FOXP2: variants seen among roughly 807,000 people sequenced by gnomAD.
The protein encoded by FOXP2 is forkhead box P2, also known as forkhead box protein P2.
A neutral mutation model predicts 115.8 loss-of-function variants in FOXP2; 12 were observed. The ratio of observed to expected loss-of-function variants is 0.10; its 90% CI spans 0.07 to 0.17. The LOEUF is 0.17. Among genes scored for constraint, FOXP2 ranks in the 10% least tolerant of loss-of-function variants. FOXP2 has a pLI of 1.00. For synonymous variants in FOXP2, 328 were observed against 297.7 expected (o/e 1.10, Z -1.05); for missense variants, 629 against 843.5 (o/e 0.75, Z 3.15).
chr7:114,482,025 A>C (rs1319997348), intron 2 of FOXP2, among the ~76,000 whole-genome samples: 2 of 151,292 alleles, frequency 1.3e-5, no homozygotes, highest in Non-Finnish European at 3.0e-5. Context: ...CTTCTTTCTT[A>C]GTTACTATTC....
chr7:114,210,886 G>A (rs1203103453), intron 1 of FOXP2, among the ~76,000 whole-genome samples: 1 of 152,156 alleles, frequency 6.6e-6, no homozygotes, highest in African/African-American at 2.4e-5. Flanking sequence ...GGAGGAAATC[G>A]ATCGGGGTCC....
intron 2 of FOXP2, among the ~76,000 whole-genome samples, chr7:114,451,081 G>A (rs1795054120): frequency 6.6e-6 from 1 of 151,958 alleles, no homozygotes; most frequent in Non-Finnish European, 1.5e-5. Flanking sequence ...ATCAACTAAT[G>A]TTTTTTATAG....
chr7:114,329,403 C>G (rs1453872503), intron 2 of FOXP2, among the ~76,000 whole-genome samples: 1 of 150,954 alleles, frequency 6.6e-6, no homozygotes, highest in East Asian at 2.0e-4. Flanking sequence ...CCTGTAATCC[C>G]AACTACCCAG....
intron 1 of FOXP2, among the ~76,000 whole-genome samples, chr7:114,102,006 C>T (rs1407960682): frequency 6.6e-6 from 1 of 150,448 alleles, no homozygotes; most frequent in East Asian, 2.0e-4. Context: ...TCATGATCAC[C>T]AAACAGAAGA....
chr7:114,622,408 G>C (rs1017086753), intron 3 of FOXP2, among the ~76,000 whole-genome samples: 4 of 151,836 alleles, frequency 2.6e-5, no homozygotes, highest in African/African-American at 9.7e-5. Flanking sequence ...TTTATGGGTT[G>C]TCAGCGAAGA....
At chr7:114,374,714 G>A (rs1252870029) in intron 2 of FOXP2, among the ~76,000 whole-genome samples, 1 of 152,198 alleles carries the variant, frequency 6.6e-6, no homozygotes, top group Non-Finnish European at 1.5e-5. Flanking sequence ...CTTCTTGGTT[G>A]AAGGGATCTT....
At chr7:114,670,001 G>A (rs1807406928) in intron 16 of FOXP2, 1 of 151,956 alleles carries the variant, frequency 6.6e-6, no homozygotes, top group South Asian at 2.1e-4. Context: ...TTTGTATGGA[G>A]TGCTTTACTC....
rs35572133 is a variant in FOXP2, at chr7:114,132,582, TGA to T, written c.-246-30329_-246-30328del. On this transcript the variant is annotated intron_variant, in intron 1 of 19. Coordinates refer to the FOXP2 transcript ENST00000635638. ...GTGTGTGTGTGTGTGTGTGTGTGTG[TGA>T]GAGAGAGAGAGAGAGAGAGAGAGAG... 1.7e-3 allele frequency among the ~76,000 whole-genome samples: 97 copies of T among 55,986 alleles called. 1 individual carries two copies. Among genetic ancestry groups the T allele is most frequent in the African/African-American group, 7.1e-3 (91 of 12,732 alleles). The allele number at this position is 55,986 out of a possible 152,430, so 36.7% of individuals were successfully genotyped here. A position where few individuals can be genotyped will look rare whatever the true frequency, so the allele number is the denominator to read the frequency against.
rs868713659 is a variant in FOXP2, at chr7:114,457,919, A to T, written c.168+31240A>T. 4.9e-3 allele frequency among the ~76,000 whole-genome samples: 744 copies of T among 151,604 alleles called. 12 individuals are homozygous for T. The highest frequency in any genetic ancestry group is 0.017 in the African/African-American group (706 of 41,362). ...CAAAAAAAAAAAAAAAAGTCTTCTC[A>T]TTTTTGTATTAGAAAGATGACAACT... On this transcript the variant is annotated intron_variant, in intron 2 of 16. Coordinates refer to ENST00000350908, the MANE Select transcript of FOXP2 (RefSeq NM_014491.4).
At chr7:114,341,475 T>C (rs1791216310) in intron 2 of FOXP2, among the ~76,000 whole-genome samples, 1 of 150,876 alleles carries the variant, frequency 6.6e-6, no homozygotes, top group Admixed American at 6.6e-5. Context: ...ATCTCCAGGG[T>C]TGTTTAAAAA....
At chr7:114,479,776 A>C (rs1796442012) in intron 2 of FOXP2, among the ~76,000 whole-genome samples, 2 of 151,548 alleles carry the variant, frequency 1.3e-5, no homozygotes, top group Admixed American at 1.3e-4. Flanking sequence ...TTTTATTGGA[A>C]TATCAGAAGA....
At chr7:114,415,485 G>A (rs968392945) in intron 1 of FOXP2, 125 bp downstream of exon 1, 1 of 362,508 alleles carries the variant, frequency 2.8e-6, no homozygotes, top group South Asian at 2.1e-5. Flanking sequence ...GTAGCTCATT[G>A]AAATGAACTA....
intron 3 of FOXP2, among the ~76,000 whole-genome samples, chr7:114,604,279 C>T (rs1803189881): frequency 6.6e-6 from 1 of 152,138 alleles, no homozygotes; most frequent in African/African-American, 2.4e-5. Flanking sequence ...CATAAACCCT[C>T]CACCCTCATA....
intron 3 of FOXP2, among the ~76,000 whole-genome samples, chr7:114,563,668 C>T (rs1385847955): frequency 6.6e-6 from 1 of 152,218 alleles, no homozygotes; most frequent in Non-Finnish European, 1.5e-5. Flanking sequence ...TGCTGATTCT[C>T]AGGGCTTTAT....
intron 1 of FOXP2, among the ~76,000 whole-genome samples, chr7:114,208,130 C>A (rs1794247213): frequency 6.6e-6 from 1 of 152,176 alleles, no homozygotes; most frequent in African/African-American, 2.4e-5. Flanking sequence ...CAACACCAGC[C>A]CATGAAAGCA....
intron 2 of FOXP2, among the ~76,000 whole-genome samples, chr7:114,462,258 C>G (rs1180742584): frequency 2.0e-5 from 2 of 99,880 alleles, no homozygotes; most frequent in Non-Finnish European, 3.6e-5. Flanking sequence ...TCCAGCCTGG[C>G]GACAGAACGA....
intron 1 of FOXP2, among the ~76,000 whole-genome samples, chr7:114,166,558 A>C (rs2129151823): frequency 6.6e-6 from 1 of 152,206 alleles, no homozygotes; most frequent in African/African-American, 2.4e-5. Context: ...CAAAAAAATT[A>C]GCCAGGCATG....
intron 3 of FOXP2, among the ~76,000 whole-genome samples, chr7:114,595,555 T>A (rs1260416306): frequency 6.6e-6 from 1 of 152,080 alleles, no homozygotes; most frequent in African/African-American, 2.4e-5. Flanking sequence ...TTCTGCAATG[T>A]AAACAGTATA....
At chr7:114,475,653 C>G (rs1796223863) in intron 2 of FOXP2, among the ~76,000 whole-genome samples, 1 of 151,874 alleles carries the variant, frequency 6.6e-6, no homozygotes, top group African/African-American at 2.4e-5. Context: ...TTAAAATATT[C>G]AAAAGTCATT....
Sources: allele counts gnomAD v4.1 joint callset (sites outside exome capture counted in the v4.1 genomes callset), GRCh38; gene constraint gnomAD v4.1.1; transcripts MANE v1.5; gene names NCBI Gene and HGNC (gene_info 2026-07-23, HGNC 2026-07-21).